Variants in SMPD4 observed in about 807,000 individuals in gnomAD.
SMPD4 encodes the protein neutral sphingomyelinase 3.
A neutral mutation model predicts 97.8 loss-of-function variants in SMPD4; 58 were observed. The observed-to-expected ratio is 0.59, with a 90% CI of 0.48 to 0.74. The LOEUF (loss-of-function observed/expected upper bound fraction) is 0.74, where lower values mean the gene tolerates loss of function less well. SMPD4 is among the 30% of genes least tolerant of loss of function. The probability of loss-of-function intolerance (pLI) is 0.00; values close to 1 mark genes in which losing one functional copy is unlikely to be tolerated. For synonymous variants in SMPD4, 388 were observed against 450.0 expected, an observed-to-expected ratio of 0.86 and a Z score of 1.74; for missense variants, 853 against 1,080.5, an observed-to-expected ratio of 0.79 and a Z score of 2.95.
In SMPD4 at chr2:130,156,051, A is replaced by G. The variant is rs767328441; in HGVS notation, c.1273T>C (p.Cys425Arg). ...GAGGCTCACCATTTCTCCGACACAC[A>G]CCGGGGCTGGGAGTCGCTGCCCGGA... The part of the protein sequence containing the change: ...QAPGSDSQPR[C>R]VSEKWAPFVQ... The change falls in exon 14 of 20, where the codon TGT (cysteine) becomes CGT (arginine). Residue 425 changes from cysteine to arginine, a missense_variant. Coordinates refer to ENST00000680298, the MANE Select transcript of SMPD4 (RefSeq NM_017951.5). 2.5e-6 allele frequency: 4 copies of G among 1,611,284 alleles called. No individual in the cohort carries two copies. Among genetic ancestry groups the G allele is most frequent in the African/African-American group, 1.3e-5 (1 of 74,862 alleles).
intron 8 of SMPD4, among the ~76,000 whole-genome samples, chr2:130,168,524 A>G (rs1387405882): frequency 8.3e-6 from 1 of 119,832 alleles, no homozygotes; most frequent in Non-Finnish European, 1.7e-5. Flanking sequence ...AATTCTCGTT[A>G]TCAATTTTTT....
Position 130,170,458 on chromosome 2 carries a change from C to CAAAAAAAAAAAAAAAAAAAA in SMPD4, c.659+1890_659+1891insTTTTTTTTTTTTTTTTTTTT, listed in dbSNP as rs556058599. ...CCTGGGCAACAGAGTAAGACCCTGTCAAAAAAAAAAAAAAAAGCACACAAT... is the reference window on the plus strand; with the variant it reads ...CCTGGGCAACAGAGTAAGACCCTGTCAAAAAAAAAAAAAAAAAAAAAAAAAAAAAAAAAAAAGCACACAAT... On this transcript the variant is annotated intron_variant, in intron 8 of 19. Coordinates refer to ENST00000680298, the MANE Select transcript of SMPD4 (RefSeq NM_017951.5). Among the ~76,000 whole-genome samples the CAAAAAAAAAAAAAAAAAAAA allele has an allele frequency of 1.5e-3, 94 of 64,556 alleles. 4 individuals are homozygous for CAAAAAAAAAAAAAAAAAAAA. Among genetic ancestry groups the CAAAAAAAAAAAAAAAAAAAA allele is most frequent in the Non-Finnish European group, 1.7e-3 (59 of 34,050 alleles). The allele number at this position is 64,556 out of a possible 152,430, so 42.4% of individuals were successfully genotyped here.
intron 11 of SMPD4, among the ~76,000 whole-genome samples, chr2:130,160,056 CCACAGT>C (rs1319959034): frequency 6.6e-6 from 1 of 150,446 alleles, no homozygotes; most frequent in Non-Finnish European, 1.5e-5. Context: ...GAGTCCCTGG[CCACAGT>C]CACCTGCTTG....
At position 130,173,347 on chromosome 2, in the gene SMPD4, T is replaced by C. The variant is rs575547332; in HGVS notation, c.277A>G (p.Met93Val). ...TGAAGCTTATAAACCAACTTCATCA[T>C]TGGGCCACTGAACACGAAATTGAAC... Reference protein sequence around the residue: ...VMEFLDPGGPMMKLVYKLQAE... With the variant: ...VMEFLDPGGPVMKLVYKLQAE... The change falls in exon 5 of 20, where the codon ATG (methionine) becomes GTG (valine). Residue 93 changes from methionine (M) to valine (V), a missense_variant. Coordinates refer to ENST00000680298, the MANE Select transcript of SMPD4 (RefSeq NM_017951.5). The C allele has an allele frequency of 1.2e-5, 20 of 1,612,842 alleles. No individual in the cohort carries two copies. The highest frequency in any genetic ancestry group is 5.3e-5 in the African/African-American group (4 of 74,956).
chr2:130,170,503 T>C (rs1221183402), intron 8 of SMPD4, among the ~76,000 whole-genome samples: 1 of 146,330 alleles, frequency 6.8e-6, no homozygotes, highest in East Asian at 2.1e-4. Context: ...TAGTGGTTCA[T>C]GCCTGTAATC....
intron 10 of SMPD4, among the ~76,000 whole-genome samples, chr2:130,164,019 G>A (rs1217804254): frequency 2.0e-5 from 3 of 152,206 alleles, no homozygotes; most frequent in African/African-American, 7.2e-5. Context: ...CGAGGAGACA[G>A]ACAAGAAAGT....
chr2:130,153,285 C>T, intron 18 of SMPD4, 34 bp downstream of exon 18: 2 of 1,613,388 alleles, frequency 1.2e-6, no homozygotes, highest in African/African-American at 1.3e-5. Flanking sequence ...GGTCAGGGCC[C>T]AGCCTGTGCG....
chr2:130,170,313 C>T (rs1688325722), intron 8 of SMPD4, among the ~76,000 whole-genome samples: 3 of 151,674 alleles, frequency 2.0e-5, no homozygotes, highest in Admixed American at 2.0e-4. Context: ...ATGGTGAAAC[C>T]CTGTCTCTAC....
rs773954905 is a variant in SMPD4, at chr2:130,156,075, G to A, written c.1249C>T (p.Pro417Ser). 4.9e-5 allele frequency: 79 copies of A among 1,611,200 alleles called. No homozygotes were observed. Among genetic ancestry groups the A allele is most frequent in the East Asian group, 1.3e-4 (6 of 44,868 alleles). ...PWRYAPDKQAPGSDSQPRCVS... is the reference protein window; with the variant it reads ...PWRYAPDKQASGSDSQPRCVS... ...CACCGGGGCTGGGAGTCGCTGCCCG[G>A]AGCCTGCTTGTCAGGCGCGTACCGC... The change falls in exon 14 of 20, where the codon CCG becomes TCG. Residue 417 changes from proline (P) to serine (S), a missense_variant. By Grantham distance (74) the Pro-to-Ser change is moderately conservative (BLOSUM62 -1). Around this residue, in one of 3 missense-constraint regions of SMPD4, gnomAD observed 511 missense variants for 608.1 expected, o/e 0.84. Coordinates refer to ENST00000680298, the MANE Select transcript of SMPD4 (RefSeq NM_017951.5).
Position 130,153,908 on chromosome 2 carries a change from G to C in SMPD4, c.1687C>G (p.Gln563Glu), listed in dbSNP as rs2599982. ...LVLRLAQLIT[Q>E]AKHTAKSISD... Reference sequence around the variant, plus strand: ...ATGGACTTGGCTGTGTGTTTGGCCTGTGTGATGAGCTGAGCGAGGCGCAGG... The same window carrying C: ...ATGGACTTGGCTGTGTGTTTGGCCTCTGTGATGAGCTGAGCGAGGCGCAGG... Residue 563 changes from glutamine to glutamate, a missense_variant, in exon 17 of 20, where the codon CAG (glutamine) becomes GAG (glutamate). Transcript: ENST00000680298. 6.2e-6 allele frequency: 10 copies of C among 1,613,676 alleles called. No individual in the cohort carries two copies. In the Admixed American group the frequency reaches 6.7e-5, roughly 11 times the overall value.
Position 130,175,304 on chromosome 2 carries a change from A to G in SMPD4, c.40-304T>C, listed in dbSNP as rs1688873674. Among the ~76,000 whole-genome samples the G allele has an allele frequency of 2.6e-5, 4 of 152,180 alleles. No homozygotes were observed. The South Asian group carries it at 6.2e-4, about 24-fold the overall frequency. On this transcript the variant is annotated intron_variant, in intron 2 of 19. Coordinates refer to ENST00000680298, the MANE Select transcript of SMPD4 (RefSeq NM_017951.5). ...ATCCATAAGTAGGGGTTGGTCCCAG[A>G]GTCAGCCCCACAGCCAGAAGAGGAT...
chr2:130,154,300 A>C lies in SMPD4; in HGVS notation c.1636T>G (p.Phe546Val), dbSNP rs1255338590. 6.2e-7 allele frequency: 1 copy of C among 1,608,488 alleles called. No individual in the cohort carries two copies. Among genetic ancestry groups the C allele is most frequent in the Non-Finnish European group, 8.5e-7 (1 of 1,177,206 alleles). ...EGQDCKYTPM[F>V]GPEARTLVLR... is the part of the protein sequence containing the mutation. ...ACCAGGGTGCGGGCCTCGGGCCCAA[A>C]CATCGGGGTGTACTTGCAGTCCTGG... is the stretch of plus-strand genomic sequence containing the variant. The change falls in exon 16 of 20, where the codon TTT (phenylalanine) becomes GTT (valine). Residue 546 changes from phenylalanine (F) to valine (V), a missense_variant. Coordinates refer to ENST00000680298, the MANE Select transcript of SMPD4 (RefSeq NM_017951.5).
At chr2:130,158,660 G>A (rs1249130079) in intron 11 of SMPD4, among the ~76,000 whole-genome samples, 1 of 152,164 alleles carries the variant, frequency 6.6e-6, no homozygotes, top group African/African-American at 2.4e-5. Flanking sequence ...GTGGCCATGG[G>A]CTTCCTCTGG....
Position 130,156,663 on chromosome 2 carries a change from C to G in SMPD4, c.1110G>C (p.Pro370=), listed in dbSNP as rs572074166. The change falls in exon 13 of 20, where the codon CCG becomes CCC. Residue 370 remains proline, a synonymous_variant. Transcript: ENST00000680298. ...PLEEFKRAAV[P]RFVQQKLYLF... ...GGTAGAGTTTCTGCTGGACGAACCTCGGGACAGCAGCCCTGCAGGGGATGG... is the reference window on the plus strand; with the variant it reads ...GGTAGAGTTTCTGCTGGACGAACCTGGGGACAGCAGCCCTGCAGGGGATGG... 4 of 1,613,446 alleles carry G rather than the reference C, an allele frequency of 2.5e-6. No individual in the cohort carries two copies. The highest frequency in any genetic ancestry group is 3.4e-6 in the Non-Finnish European group (4 of 1,179,712).
upstream of SMPD4, chr2:130,181,713 A>G (rs770994604): frequency 1.9e-5 from 29 of 1,547,816 alleles, no homozygotes; most frequent in East Asian, 6.1e-4. Flanking sequence ...CGGGCGGGGA[A>G]GAGAAATGGC....
rs374771118 is a variant in SMPD4 at position 130,161,307 on chromosome 2, C to G, written c.865-35G>C. On this transcript the variant is annotated intron_variant, in intron 10 of 19. Transcript: ENST00000680298. The stretch of plus-strand genomic sequence containing the variant: ...GAAACAGAGAGATGCCGGAAGAGGC[C>G]GAAGAGCAGAGGACAAGAGAATGGG... 3.8e-6 allele frequency: 6 copies of G among 1,594,418 alleles called. No individual in the cohort carries two copies. The African/African-American group carries it at 4.0e-5, about 11-fold the overall frequency.
intron 13 of SMPD4, 121 bp downstream of exon 13, chr2:130,156,464 C>A: frequency 1.0e-6 from 1 of 995,344 alleles, no homozygotes; most frequent in Non-Finnish European, 1.5e-6. Flanking sequence ...CCCTCCAAGA[C>A]CCCCTCCTTG....
At chr2:130,170,476 C>T (rs917650015) in intron 8 of SMPD4, among the ~76,000 whole-genome samples, 1 of 81,338 alleles carries the variant, frequency 1.2e-5, no homozygotes, top group African/African-American at 5.7e-5. Flanking sequence ...AAAAAAAAAG[C>T]ACACAATGGA....
chr2:130,177,092 T>C (rs1033756217), intron 1 of SMPD4, among the ~76,000 whole-genome samples: 7 of 152,140 alleles, frequency 4.6e-5, no homozygotes, highest in African/African-American at 1.4e-4. Context: ...GTCTTACTTA[T>C]TGATTAGAGA....
Sources: gnomAD v4.1 joint callset for allele counts (sites outside exome capture counted in the v4.1 genomes callset) on GRCh38, gnomAD v4.1.1 for gene constraint, gnomAD v4.1.1 regional missense constraint, MANE v1.5 for transcripts, NCBI Gene and HGNC (gene_info 2026-07-23, HGNC 2026-07-21) for gene names.